ADGRV1: variants seen among roughly 807,000 people sequenced by gnomAD.
ADGRV1 encodes G-protein coupled receptor 98.
ADGRV1 carries 359 observed loss-of-function variants against 596.2 expected under a neutral mutation model. That is an observed-to-expected ratio of 0.60 (90% confidence interval 0.55 to 0.66). The LOEUF (loss-of-function observed/expected upper bound fraction) is 0.66, where lower values mean the gene tolerates loss of function less well. ADGRV1 is among the 30% of genes least tolerant of loss of function. ADGRV1 has a pLI of 0.00. For synonymous variants in ADGRV1, 2,681 were observed against 2,679.2 expected (o/e 1.00, Z -0.02); for missense variants, 7,274 against 7,575.6 (o/e 0.96, Z 1.48).
rs755990682 is a variant in ADGRV1, at chr5:90,635,221, T to A, written c.1947T>A (p.Asn649Lys). The stretch of plus-strand genomic sequence containing the variant: ...TACTGGTTACTCCAGCCATTGCAAA[T>A]GGAGAAATTGGCTTTCTCAGCAATC... ...ISLLVTPAIA[N>K]GEIGFLSNLP... The change falls in exon 10 of 90, where the codon AAT becomes AAA. Residue 649 changes from asparagine (N) to lysine (K), a missense_variant. Around this residue, in one of 5 missense-constraint regions of ADGRV1, gnomAD observed 1,715 missense variants for 1,708.8 expected, o/e 1.00. Transcript: ENST00000405460. The A allele has an allele frequency of 1.2e-6, 2 of 1,612,922 alleles. No individual in the cohort carries two copies. Among genetic ancestry groups the A allele is most frequent in the African/African-American group, 2.7e-5 (2 of 74,890 alleles).
At chr5:90,828,608 G>A (rs1764258550) in intron 76 of ADGRV1, among the ~76,000 whole-genome samples, 1 of 151,988 alleles carries the variant, frequency 6.6e-6, no homozygotes, top group Non-Finnish European at 1.5e-5. Flanking sequence ...CATTGAATTA[G>A]TTTATTCCTT....
intron 87 of ADGRV1, among the ~76,000 whole-genome samples, chr5:91,135,219 A>G (rs1354559864): frequency 1.3e-5 from 2 of 152,048 alleles, no homozygotes; most frequent in African/African-American, 4.8e-5. Flanking sequence ...TTCTACATAG[A>G]CATTTCCTTG....
intron 48 of ADGRV1, among the ~76,000 whole-genome samples, chr5:90,726,256 C>T (rs948767312): frequency 1.3e-5 from 2 of 152,174 alleles, no homozygotes; most frequent in East Asian, 3.9e-4. Context: ...AAAGCCAGGC[C>T]TCTCACATAA....
At chr5:91,078,866 G>A (rs189464045) in intron 86 of ADGRV1, among the ~76,000 whole-genome samples, 9 of 152,308 alleles carry the variant, frequency 5.9e-5, no homozygotes, top group African/African-American at 2.2e-4. Context: ...CACTAAGTTT[G>A]GTGCTAGCTT....
chr5:91,005,619 A>C (rs1284171262), intron 85 of ADGRV1, among the ~76,000 whole-genome samples: 1 of 152,126 alleles, frequency 6.6e-6, no homozygotes, highest in Non-Finnish European at 1.5e-5. Context: ...TATTATCCAC[A>C]GTCTTGTTCC....
rs546145594 is a variant in ADGRV1 at position 90,759,826 on chromosome 5, G to T, written c.12120+238G>T. ...CTGAAAGTACAAAAATTAGCTGGGC[G>T]TGGTGGCACATGCCTGTATTCCCAG... On this transcript the variant is annotated intron_variant, in intron 58 of 89. Transcript: ENST00000405460. 19 of 441,146 alleles carry T rather than the reference G, an allele frequency of 4.3e-5. No homozygotes were observed. In the East Asian group the frequency reaches 6.7e-4, roughly 16 times the overall value. The allele number at this position is 441,146 out of a possible 1,614,324, so 27.3% of individuals were successfully genotyped here. A position where few individuals can be genotyped will look rare whatever the true frequency, so the allele number is the denominator to read the frequency against.
At chr5:90,628,020 A>G (rs1765016033) in intron 7 of ADGRV1, 1 of 300,022 alleles carries the variant, frequency 3.3e-6, no homozygotes, top group African/African-American at 2.2e-5. Flanking sequence ...TTGGAGTGTG[A>G]TTTAATTATG....
intron 29 of ADGRV1, among the ~76,000 whole-genome samples, chr5:90,687,941 G>A (rs1169364717): frequency 6.6e-6 from 1 of 152,140 alleles, no homozygotes; most frequent in Admixed American, 6.5e-5. Context: ...TCATGGGTAG[G>A]AAGAATCAAT....
intron 29 of ADGRV1, among the ~76,000 whole-genome samples, chr5:90,688,667 C>A (rs1268849440): frequency 6.6e-6 from 1 of 152,100 alleles, no homozygotes; most frequent in Non-Finnish European, 1.5e-5. Context: ...GTAGACTTTG[C>A]AAAAAGTTTT....
intron 88 of ADGRV1, 124 bp downstream of exon 88, chr5:91,150,345 G>C (rs1795948932): frequency 1.4e-6 from 1 of 694,430 alleles, no homozygotes; most frequent in Admixed American, 3.5e-5. Flanking sequence ...AAGAGTACAA[G>C]ATGAATCACA....
chr5:90,951,955 T>C (rs898512698), intron 83 of ADGRV1, among the ~76,000 whole-genome samples: 2 of 152,292 alleles, frequency 1.3e-5, no homozygotes, highest in East Asian at 3.9e-4. Flanking sequence ...AATACTGTCA[T>C]GCAAATCAGT....
intron 85 of ADGRV1, among the ~76,000 whole-genome samples, chr5:91,036,562 A>T (rs1784930607): frequency 7.6e-6 from 1 of 131,540 alleles, no homozygotes; most frequent in East Asian, 2.1e-4. Flanking sequence ...ACTCCGTCTT[A>T]AAAAAAAAAA....
Position 90,783,818 on chromosome 5 carries a change from T to A in ADGRV1, c.13434-20T>A. On this transcript the variant is annotated intron_variant, in intron 66 of 89. Coordinates refer to ENST00000405460, the MANE Select transcript of ADGRV1 (RefSeq NM_032119.4). ...TTTAATATGTTTAGACTCACAGAAT[T>A]GCTCCTTCTTGCCATGCAGTGAATT... 6.5e-7 allele frequency: 1 copy of A among 1,550,102 alleles called. No individual in the cohort carries two copies. The highest frequency in any genetic ancestry group is 8.8e-7 in the Non-Finnish European group (1 of 1,134,520).
At chr5:90,695,687 CACATA>C (rs1207366674) in intron 33 of ADGRV1, among the ~76,000 whole-genome samples, 1 of 98,214 alleles carries the variant, frequency 1.0e-5, no homozygotes, top group East Asian at 5.3e-4. Context: ...CTTTTTGAAA[CACATA>C]ATAATCATTA....
intron 1 of ADGRV1, among the ~76,000 whole-genome samples, chr5:90,576,828 C>T (rs576541050): frequency 7.2e-5 from 11 of 152,264 alleles, no homozygotes; most frequent in Middle Eastern, 3.4e-3. Context: ...GAGATTGTAT[C>T]TCATTGTGGT....
intron 85 of ADGRV1, among the ~76,000 whole-genome samples, chr5:91,021,747 G>C (rs1237904145): frequency 9.2e-5 from 14 of 152,058 alleles, no homozygotes; most frequent in Admixed American, 9.2e-4. Flanking sequence ...GACAAACAGT[G>C]ATCCTTGTCC....
At chr5:90,901,229 A>C (rs1225397956) in intron 83 of ADGRV1, among the ~76,000 whole-genome samples, 2 of 152,180 alleles carry the variant, frequency 1.3e-5, no homozygotes, top group African/African-American at 4.8e-5. Flanking sequence ...ATAAAGACAC[A>C]GCTCTAAATT....
At chr5:91,158,006 C>A (rs913975578) in intron 89 of ADGRV1, among the ~76,000 whole-genome samples, 6 of 152,202 alleles carry the variant, frequency 3.9e-5, no homozygotes, top group African/African-American at 1.4e-4. Context: ...CTGACGTTAG[C>A]CAAATCGTTA....
intron 31 of ADGRV1, among the ~76,000 whole-genome samples, chr5:90,691,361 A>G (rs935599116): frequency 1.8e-4 from 27 of 146,856 alleles, no homozygotes; most frequent in African/African-American, 4.0e-4. Context: ...TTTATAATAC[A>G]TTTGCTCTGT....
Sources: gnomAD v4.1 joint callset for allele counts (sites outside exome capture counted in the v4.1 genomes callset) on GRCh38, gnomAD v4.1.1 for gene constraint, gnomAD v4.1.1 regional missense constraint, MANE v1.5 for transcripts, NCBI Gene and HGNC (gene_info 2026-07-23, HGNC 2026-07-21) for gene names.